Variants in SLC22A15 observed in about 807,000 individuals in gnomAD.
SLC22A15 encodes solute carrier family 22 member 15.
A neutral mutation model predicts 62.7 loss-of-function variants in SLC22A15; 45 were observed. The observed-to-expected ratio is 0.72, with a 90% CI of 0.56 to 0.92. The LOEUF is 0.92. Among genes scored for constraint, SLC22A15 ranks in the 40% least tolerant of loss-of-function variants. The pLI, the probability that SLC22A15 is intolerant of heterozygous loss-of-function variation, is 0.00. For synonymous variants in SLC22A15, 264 were observed against 267.0 expected, an observed-to-expected ratio of 0.99 and a Z score of 0.11; for missense variants, 622 against 665.6, an observed-to-expected ratio of 0.93 and a Z score of 0.72.
intron 3 of SLC22A15, among the ~76,000 whole-genome samples, chr1:116,019,962 C>T (rs1426791016): frequency 6.6e-6 from 1 of 152,128 alleles, no homozygotes; most frequent in Non-Finnish European, 1.5e-5. Context: ...GGTGATGGTG[C>T]TTTCTGCAAC....
At chr1:116,031,744 G>C (rs1371807715) in intron 6 of SLC22A15, 163 bp downstream of exon 6, 14 of 1,437,632 alleles carry the variant, frequency 9.7e-6, no homozygotes, top group Admixed American at 2.8e-5. Flanking sequence ...CTGGTTTTCT[G>C]CTTGCGCAGC....
chr1:116,066,436 T>A (rs1377194237), intron 10 of SLC22A15, 84 bp from the exon 11 acceptor site: 5 of 1,295,164 alleles, frequency 3.9e-6, no homozygotes, highest in Non-Finnish European at 4.2e-6. Context: ...AACATGACAG[T>A]TTTTCAGTCA....
chr1:116,046,465 T>C (rs1657932968), intron 8 of SLC22A15, among the ~76,000 whole-genome samples: 1 of 152,034 alleles, frequency 6.6e-6, no homozygotes, highest in African/African-American at 2.4e-5. Context: ...CAAATAAATA[T>C]GGGGAAAGTT....
At chr1:116,012,012 G>T (rs1201899342) in intron 2 of SLC22A15, among the ~76,000 whole-genome samples, 4 of 152,152 alleles carry the variant, frequency 2.6e-5, no homozygotes, top group Non-Finnish European at 5.9e-5. Context: ...GCAAGAAAGG[G>T]CAAAGCCCAC....
At chr1:116,040,624 T>C (rs1389301158) in intron 8 of SLC22A15, among the ~76,000 whole-genome samples, 1 of 152,100 alleles carries the variant, frequency 6.6e-6, no homozygotes, top group African/African-American at 2.4e-5. Context: ...TTTTTTTGTA[T>C]GGTTTGTTTT....
At chr1:116,055,461 A>G (rs1040332016) in intron 8 of SLC22A15, among the ~76,000 whole-genome samples, 3 of 149,840 alleles carry the variant, frequency 2.0e-5, no homozygotes, top group African/African-American at 7.4e-5. Flanking sequence ...TTCACAGCCA[A>G]ATTCTACCAG....
At chr1:116,003,037 A>G (rs77400013) in intron 2 of SLC22A15, among the ~76,000 whole-genome samples, 2,740 of 152,104 alleles carry the variant, frequency 0.018, 36 homozygotes, top group Middle Eastern at 0.065. Flanking sequence ...ATTCTATTCA[A>G]GGTCTAAGGG....
intron 8 of SLC22A15, among the ~76,000 whole-genome samples, chr1:116,044,147 A>AT (rs1451453908): frequency 6.6e-6 from 1 of 152,266 alleles, no homozygotes; most frequent in Non-Finnish European, 1.5e-5. Flanking sequence ...TAAAGGCATT[A>AT]TAAGAAGAGA....
intron 1 of SLC22A15, among the ~76,000 whole-genome samples, chr1:115,987,164 AT>A (rs1157832035): frequency 0.044 from 6,059 of 137,936 alleles, 341 homozygotes; most frequent in African/African-American, 0.15. Flanking sequence ...ATGTAGATAG[AT>A]TTTTTTTTTT....
intron 8 of SLC22A15, among the ~76,000 whole-genome samples, chr1:116,049,018 C>A (rs555181637): frequency 6.6e-6 from 1 of 152,142 alleles, no homozygotes; most frequent in East Asian, 1.9e-4. Flanking sequence ...CATTATATAA[C>A]GGCAAAAGCC....
At chr1:116,044,048 A>G (rs1304689596) in intron 8 of SLC22A15, among the ~76,000 whole-genome samples, 7 of 152,230 alleles carry the variant, frequency 4.6e-5, no homozygotes, top group East Asian at 1.9e-4. Flanking sequence ...AATTGTACAC[A>G]CTTTTCCAGA....
chr1:116,028,164 A>G (rs1048361707), intron 5 of SLC22A15, among the ~76,000 whole-genome samples: 4 of 152,190 alleles, frequency 2.6e-5, no homozygotes, highest in Admixed American at 1.3e-4. Flanking sequence ...TTTTTCATAC[A>G]TTTTTGAAAG....
At chr1:116,041,596 G>C (rs1657785969) in intron 8 of SLC22A15, among the ~76,000 whole-genome samples, 1 of 152,316 alleles carries the variant, frequency 6.6e-6, no homozygotes, top group South Asian at 2.1e-4. Context: ...CCAAACCACA[G>C]TGCAGGGAAG....
At chr1:116,048,909 G>T (rs1344804581) in intron 8 of SLC22A15, among the ~76,000 whole-genome samples, 2 of 152,170 alleles carry the variant, frequency 1.3e-5, no homozygotes, top group Non-Finnish European at 2.9e-5. Flanking sequence ...GTGGAAAAAG[G>T]CATTTCATGC....
chr1:116,014,969 T>C (rs998801361), intron 2 of SLC22A15, among the ~76,000 whole-genome samples: 10 of 152,224 alleles, frequency 6.6e-5, no homozygotes, highest in African/African-American at 2.4e-4. Context: ...TTTTCTCAAA[T>C]ACTATAGGGA....
At chr1:116,044,102 G>A (rs922266927) in intron 8 of SLC22A15, among the ~76,000 whole-genome samples, 5 of 152,108 alleles carry the variant, frequency 3.3e-5, no homozygotes, top group African/African-American at 9.7e-5. Context: ...GCCTCTAAGG[G>A]CCTGCAATTA....
intron 2 of SLC22A15, among the ~76,000 whole-genome samples, chr1:116,004,778 A>G (rs1655894838): frequency 6.6e-6 from 1 of 152,126 alleles, no homozygotes. Flanking sequence ...CCTTTGATAG[A>G]ATTCTCCAGT....
At chr1:116,041,500 G>T (rs1046257743) in intron 8 of SLC22A15, among the ~76,000 whole-genome samples, 13 of 152,132 alleles carry the variant, frequency 8.5e-5, no homozygotes, top group African/African-American at 3.1e-4. Flanking sequence ...TCAGACATTG[G>T]ACAACAGACT....
chr1:116,032,113 AC>A, intron 6 of SLC22A15: 2 of 985,366 alleles, frequency 2.0e-6, no homozygotes, highest in Non-Finnish European at 2.4e-6. Flanking sequence ...GAAGTGATGA[AC>A]CCTAAGCCAC....
Sources: allele counts gnomAD v4.1 joint callset (sites outside exome capture counted in the v4.1 genomes callset), GRCh38; gene constraint gnomAD v4.1.1; transcripts MANE v1.5; gene names NCBI Gene and HGNC (gene_info 2026-07-23, HGNC 2026-07-21).